PLCH1: variants seen among roughly 807,000 people sequenced by gnomAD.
PLCH1 encodes 1-phosphatidylinositol 4,5-bisphosphate phosphodiesterase eta-1.
A neutral mutation model predicts 126.7 loss-of-function variants in PLCH1; 60 were observed. The observed-to-expected ratio is 0.47, with a 90% CI of 0.38 to 0.59. PLCH1 has a LOEUF of 0.59. Among genes scored for constraint, PLCH1 ranks in the 20% least tolerant of loss-of-function variants. The pLI, the probability that PLCH1 is intolerant of heterozygous loss-of-function variation, is 0.00. For missense variants in PLCH1, 1,723 were observed against 2,040.0 expected (o/e 0.84, Z 2.99); for synonymous variants, 719 against 734.9 (o/e 0.98, Z 0.35).
At chr3:155,680,609 A>C (rs972704427) in intron 2 of PLCH1, among the ~76,000 whole-genome samples, 1 of 152,206 alleles carries the variant, frequency 6.6e-6, no homozygotes, top group Non-Finnish European at 1.5e-5. Flanking sequence ...TAAGTTGTAC[A>C]TTGAGAGCAT....
At chr3:155,664,823 T>C (rs1268170073) in intron 2 of PLCH1, among the ~76,000 whole-genome samples, 3 of 152,204 alleles carry the variant, frequency 2.0e-5, no homozygotes, top group African/African-American at 7.2e-5. Flanking sequence ...TATCTTCATT[T>C]TATAAATAAG....
intron 22 of PLCH1, 75 bp from the exon 23 acceptor site, chr3:155,483,126 G>A (rs187996616): frequency 5.5e-5 from 72 of 1,301,456 alleles, no homozygotes; most frequent in African/African-American, 5.4e-4. Context: ...TGTTGTCTTC[G>A]GACAGACAAA....
intron 10 of PLCH1, among the ~76,000 whole-genome samples, chr3:155,539,920 C>T (rs1014478814): frequency 2.0e-5 from 3 of 151,958 alleles, no homozygotes; most frequent in African/African-American, 7.2e-5. Context: ...AAAGAGGGCC[C>T]GCATACCCAA....
intron 6 of PLCH1, among the ~76,000 whole-genome samples, chr3:155,582,199 C>T (rs1730807360): frequency 6.7e-6 from 1 of 148,916 alleles, no homozygotes; most frequent in Non-Finnish European, 1.5e-5. Context: ...CTCCCTGCCT[C>T]AGACTCCCAA....
At chr3:155,735,914 T>C (rs1182274991) in intron 1 of PLCH1, among the ~76,000 whole-genome samples, 2 of 152,144 alleles carry the variant, frequency 1.3e-5, no homozygotes, top group African/African-American at 4.8e-5. Context: ...AAAAACTGAA[T>C]GGCTGAGGAA....
intron 2 of PLCH1, among the ~76,000 whole-genome samples, chr3:155,668,287 CACTT>C (rs1476742954): frequency 6.6e-6 from 1 of 152,046 alleles, no homozygotes; most frequent in East Asian, 1.9e-4. Flanking sequence ...TTCTTAATAA[CACTT>C]ACCCGAGCTT....
At chr3:155,492,883 A>G (rs754596332) in intron 17 of PLCH1, 30 bp from the exon 18 acceptor site, 27 of 1,545,870 alleles carry the variant, frequency 1.7e-5, no homozygotes, top group Non-Finnish European at 2.3e-5. Context: ...AGTTGGTAAC[A>G]TAAGAAGAAA....
intron 2 of PLCH1, among the ~76,000 whole-genome samples, chr3:155,669,092 T>C (rs1743109660): frequency 6.6e-6 from 1 of 150,622 alleles, no homozygotes; most frequent in Non-Finnish European, 1.5e-5. Context: ...TGCCAAAATA[T>C]CAACCACAGT....
chr3:155,459,154 A>G, intron 21 of PLCH1, among the ~76,000 whole-genome samples: 1 of 152,222 alleles, frequency 6.6e-6, no homozygotes, highest in East Asian at 1.9e-4. Flanking sequence ...TACCAATATA[A>G]GGATGATGAT....
At chr3:155,676,071 G>T in intron 2 of PLCH1, 1 of 1,488,492 alleles carries the variant, frequency 6.7e-7, no homozygotes, top group South Asian at 1.4e-5. Context: ...TTATTGGCAA[G>T]AGCAGTACAA....
At chr3:155,566,602 T>G (rs899055074) in intron 7 of PLCH1, among the ~76,000 whole-genome samples, 5 of 151,536 alleles carry the variant, frequency 3.3e-5, no homozygotes, top group Admixed American at 6.6e-5. Flanking sequence ...AAGCCAAAAG[T>G]TAAACACTGT....
chr3:155,475,787 T>C (rs957508593), downstream of PLCH1, among the ~76,000 whole-genome samples: 7 of 151,548 alleles, frequency 4.6e-5, no homozygotes, highest in Admixed American at 1.3e-4. Flanking sequence ...CCCAAACAAA[T>C]TGATAACAAG....
At chr3:155,735,490 C>T (rs890629283) in intron 1 of PLCH1, among the ~76,000 whole-genome samples, 10 of 151,786 alleles carry the variant, frequency 6.6e-5, no homozygotes, top group Admixed American at 5.2e-4. Context: ...AAAAATTAGC[C>T]GGGCGTGGTG....
At chr3:155,647,957 G>A (rs1398056322) in intron 2 of PLCH1, among the ~76,000 whole-genome samples, 1 of 152,102 alleles carries the variant, frequency 6.6e-6, no homozygotes, top group Non-Finnish European at 1.5e-5. Context: ...GAGGAATTCT[G>A]GTAGAGGTCC....
chr3:155,476,403 G>C (rs576032717), downstream of PLCH1, among the ~76,000 whole-genome samples: 9 of 152,134 alleles, frequency 5.9e-5, no homozygotes, highest in East Asian at 1.7e-3. Context: ...GGTGCCCACT[G>C]TCACCATTGT....
At chr3:155,555,549 C>G (rs1199048262) in intron 8 of PLCH1, among the ~76,000 whole-genome samples, 3 of 152,190 alleles carry the variant, frequency 2.0e-5, no homozygotes, top group African/African-American at 7.2e-5. Context: ...TTTTAAGGCA[C>G]AGGAAATTTG....
intron 7 of PLCH1, among the ~76,000 whole-genome samples, chr3:155,567,135 C>T (rs760507806): frequency 6.6e-5 from 10 of 152,072 alleles, no homozygotes; most frequent in African/African-American, 2.2e-4. Context: ...TGCAGTGGCA[C>T]GGTCTCGGCT....
At chr3:155,713,878 T>A (rs1319199738) in intron 1 of PLCH1, among the ~76,000 whole-genome samples, 1 of 152,138 alleles carries the variant, frequency 6.6e-6, no homozygotes, top group Admixed American at 6.5e-5. Flanking sequence ...CTCCCTAATA[T>A]CCCAATCCAT....
At chr3:155,734,931 G>T (rs763326173) in intron 1 of PLCH1, among the ~76,000 whole-genome samples, 39 of 151,972 alleles carry the variant, frequency 2.6e-4, no homozygotes, top group Non-Finnish European at 4.9e-4. Context: ...GGATGGTCTC[G>T]ATCTCCTGAC....
Sources: gnomAD v4.1 joint callset for allele counts (sites outside exome capture counted in the v4.1 genomes callset) on GRCh38, gnomAD v4.1.1 for gene constraint, MANE v1.5 for transcripts, NCBI Gene and HGNC (gene_info 2026-07-23, HGNC 2026-07-21) for gene names.